The following LZTR1 variants were observed in gnomAD, a reference collection of about 807,000 sequenced individuals.
LZTR1 encodes the protein leucine-zipper-like transcriptional regulator 1.
Under a neutral mutation model 105.7 loss-of-function variants are expected in LZTR1, and 260 were observed. That is an observed-to-expected ratio of 2.46 (90% CI 2.22 to 2.72). The LOEUF is 2.72. Ranked by LOEUF, LZTR1 falls within the 30% of genes most tolerant of loss-of-function variation. LZTR1 has a pLI of 0.00. For missense variants in LZTR1, 1,214 were observed against 1,166.9 expected, an observed-to-expected ratio of 1.04 and a Z score of -0.59; for synonymous variants, 490 against 476.4, an observed-to-expected ratio of 1.03 and a Z score of -0.37.
chr22:20,994,960 G>A lies in LZTR1; in HGVS notation c.1876G>A (p.Val626Met). The A allele has an allele frequency of 6.2e-7, 1 of 1,613,300 alleles. No individual in the cohort carries two copies. The highest frequency in any genetic ancestry group is 8.5e-7 in the Non-Finnish European group (1 of 1,179,992). Residue 626 changes from valine (V) to methionine (M), a missense_variant, in exon 16 of 21, where the codon GTG becomes ATG. Transcript: ENST00000646124. ...EFERLSSPLI[V>M]EIVRRKQQPP... ...CGAGCGCCTCTCCTCTCCACTGATA[G>A]TGGAGATTGTGCGGCGGAAGCAGCA... is the stretch of plus-strand genomic sequence containing the variant.
At position 20,993,112 on chromosome 22, in the gene LZTR1, G is replaced by A. The variant is rs75405655; in HGVS notation, c.1260+208G>A. On this transcript the variant is annotated intron_variant, in intron 11 of 20. Coordinates refer to ENST00000646124, the MANE Select transcript of LZTR1 (RefSeq NM_006767.4). ...CCTTCGTGCAGTGGGGCAGGCAGAT[G>A]GTGCTGGGGCTCACGGCAGAGTCAG... 9.3e-3 allele frequency among the ~76,000 whole-genome samples: 1,421 copies of A among 152,348 alleles called. 22 individuals are homozygous for A. The highest frequency in any genetic ancestry group is 0.033 in the African/African-American group (1,363 of 41,582).
rs779359776 is a variant in LZTR1, at chr22:20,987,991, T to C, written c.401-19T>C. On this transcript the variant is annotated intron_variant, in intron 4 of 20. Coordinates refer to ENST00000646124, the MANE Select transcript of LZTR1 (RefSeq NM_006767.4). ...AGACTGCCCTTTGGGTTTGACAGTTTCTCACTCTCTTTACTCAGGGGGTTA... is the reference window on the plus strand; with the variant it reads ...AGACTGCCCTTTGGGTTTGACAGTTCCTCACTCTCTTTACTCAGGGGGTTA... 3.4e-6 allele frequency: 5 copies of C among 1,449,648 alleles called. No individual in the cohort carries two copies. Among genetic ancestry groups the C allele is most frequent in the Non-Finnish European group, 4.8e-6 (5 of 1,035,044 alleles). 89.8% of individuals were successfully genotyped at this position (1,449,648 alleles called of 1,614,324 possible). A position where few individuals can be genotyped will look rare whatever the true frequency, so the allele number is the denominator to read the frequency against.
chr22:20,991,950 G>A (rs1360574477), intron 9 of LZTR1, 121 bp downstream of exon 9: 3 of 979,988 alleles, frequency 3.1e-6, no homozygotes, highest in Non-Finnish European at 4.4e-6. Flanking sequence ...CCAGGAGCAA[G>A]GCCAGGACAC....
Position 20,987,536 on chromosome 22 carries a change from G to T in LZTR1, c.353G>T (p.Arg118Leu). ...AFTTGTPPAPRYHHSAVVYGS... is the reference protein window; with the variant it reads ...AFTTGTPPAPLYHHSAVVYGS... ...ACCACTGGGACCCCACCGGCCCCCC[G>T]TTACCACCACTCGGCCGTCGTCTAT... is the stretch of plus-strand genomic sequence containing the variant. The change falls in exon 4 of 21, where the codon CGT (arginine) becomes CTT (leucine). Residue 118 changes from arginine to leucine, a missense_variant. Arg to Leu is a moderately radical substitution (Grantham distance 102). Coordinates refer to ENST00000646124, the MANE Select transcript of LZTR1 (RefSeq NM_006767.4). The T allele has an allele frequency of 1.2e-6, 2 of 1,614,016 alleles. No homozygotes were observed. Among genetic ancestry groups the T allele is most frequent in the Non-Finnish European group, 1.7e-6 (2 of 1,179,990 alleles).
rs144092577 is a variant in LZTR1 at position 20,996,083 on chromosome 22, C to T, written c.2190C>T (p.Gly730=). ...CCATGCTGCGCTACATCTACTACGG[C>T]GAGGTCAACATGCCGCCCGAGGACT... ...FESMLRYIYY[G]EVNMPPEDSL... Residue 730 remains glycine, a synonymous_variant, in exon 18 of 21, where the codon GGC becomes GGT. Transcript: ENST00000646124. The T allele has an allele frequency of 2.8e-4, 459 of 1,612,978 alleles. No homozygotes were observed. Among genetic ancestry groups the T allele is most frequent in the Non-Finnish European group, 3.3e-4 (386 of 1,180,014 alleles).
At chr22:20,995,491 GA>G in intron 16 of LZTR1, 1 of 674,276 alleles carries the variant, frequency 1.5e-6, no homozygotes, top group South Asian at 1.5e-5. Context: ...TGAGGTCAGC[GA>G]GGGGGTACAG....
At position 20,994,733 on chromosome 22, in the gene LZTR1, G is replaced by A; in HGVS notation, c.1785+6G>A. The A allele has an allele frequency of 6.2e-7, 1 of 1,611,172 alleles. No homozygotes were observed. On this transcript the variant is annotated splice_donor_region_variant and intron_variant, in intron 15 of 20. Coordinates refer to ENST00000646124, the MANE Select transcript of LZTR1 (RefSeq NM_006767.4). The stretch of plus-strand genomic sequence containing the variant: ...TGCAGCTGAGCCAACTCAAGGTGTG[G>A]GGTGGGGTCAGCGCAATCAGGGTTG...
intron 11 of LZTR1, 141 bp from the exon 12 acceptor site, chr22:20,993,521 C>T: frequency 1.5e-6 from 1 of 652,212 alleles, no homozygotes; most frequent in South Asian, 1.8e-5. Context: ...CGGCTGCTTC[C>T]TCTCCTCAGC....
rs77165138 is a variant in LZTR1 at position 20,990,035 on chromosome 22, A to G, written c.652-351A>G. Among the ~76,000 whole-genome samples the G allele has an allele frequency of 2.0e-4, 31 of 152,286 alleles. No individual in the cohort carries two copies. The East Asian group carries it at 2.9e-3, about 14-fold the overall frequency. ...TTCAGTGCAGTGAGGGCCGTCTGCT[A>G]TCCAGTGTCCTGCTCCCTGGAGCTC... On this transcript the variant is annotated intron_variant, in intron 7 of 20. Coordinates refer to ENST00000646124, the MANE Select transcript of LZTR1 (RefSeq NM_006767.4).
At chr22:20,997,030 G>T in intron 20 of LZTR1, 64 bp downstream of exon 20, 2 of 1,559,664 alleles carry the variant, frequency 1.3e-6, no homozygotes, top group African/African-American at 2.7e-5. Context: ...CCCAGGCAGG[G>T]AGGGTGCCCA....
At chr22:20,991,015 C>T (rs753023451) in intron 8 of LZTR1, 12 of 163,176 alleles carry the variant, frequency 7.4e-5, no homozygotes, top group Non-Finnish European at 1.1e-4. Context: ...CTGGAGGCCA[C>T]GGGTGCGTGG....
chr22:20,982,636 C>G (rs1274060289), intron 1 of LZTR1, 65 bp downstream of exon 1: 5 of 1,525,320 alleles, frequency 3.3e-6, no homozygotes, highest in East Asian at 4.7e-5. Context: ...CAGGGCGGGT[C>G]CAGGGGCGAA....
Position 20,985,836 on chromosome 22 carries a change from T to C in LZTR1, c.264-5T>C. ...ATGCCACCCTCTCTTCCGGCTGCCT[T>C]TCAGGAAGACCATGCTCAATGACCT... On this transcript the variant is annotated splice_polypyrimidine_tract_variant and splice_region_variant and intron_variant, in intron 2 of 20. Transcript: ENST00000646124. 2 of 1,614,084 alleles carry C rather than the reference T, an allele frequency of 1.2e-6. No individual in the cohort carries two copies. Among genetic ancestry groups the C allele is most frequent in the Non-Finnish European group, 1.7e-6 (2 of 1,179,980 alleles).
At chr22:20,993,825 ACAG>A in intron 12 of LZTR1, 71 bp downstream of exon 12, 1 of 1,571,426 alleles carries the variant, frequency 6.4e-7, no homozygotes, top group African/African-American at 1.3e-5. Flanking sequence ...CCTCAGAAAA[ACAG>A]CTGCTGGCCT....
At position 20,996,709 on chromosome 22, in the gene LZTR1, G is replaced by GC; in HGVS notation, c.2238dup (p.Tyr747LeufsTer35). The stretch of plus-strand genomic sequence containing the variant: ...ACCAGGCCCCAGCTACTTGTTTGCG[G>GC]CCCCCTACTACTACGGCTTCTACAA... On this transcript the variant is annotated frameshift_variant, in exon 19 of 21. Coordinates refer to ENST00000646124, the MANE Select transcript of LZTR1 (RefSeq NM_006767.4). LOFTEE classifies it high-confidence loss of function. 6.2e-7 allele frequency: 1 copy of GC among 1,613,528 alleles called. No homozygotes were observed.
At chr22:20,991,958 C>T (rs925661722) in intron 9 of LZTR1, 129 bp downstream of exon 9, 4 of 921,240 alleles carry the variant, frequency 4.3e-6, no homozygotes, top group Non-Finnish European at 6.4e-6. Flanking sequence ...AAGGCCAGGA[C>T]ACCTGGGCCT....
intron 5 of LZTR1, among the ~76,000 whole-genome samples, chr22:20,988,557 A>G (rs1203257335): frequency 6.6e-6 from 1 of 152,170 alleles, no homozygotes; most frequent in African/African-American, 2.4e-5. Context: ...TTTTGGGGGC[A>G]CCTAGGAGAA....
intron 3 of LZTR1, chr22:20,986,983 G>A (rs1924409798): frequency 6.6e-6 from 1 of 152,396 alleles, no homozygotes; most frequent in Admixed American, 6.5e-5. Flanking sequence ...GGTGTTGCCA[G>A]AGGTTTTCTG....
chr22:20,986,987 T>G (rs1206114779), intron 3 of LZTR1: 1 of 152,024 alleles, frequency 6.6e-6, no homozygotes, highest in African/African-American at 2.4e-5. Flanking sequence ...TTGCCAGAGG[T>G]TTTCTGGTAA....
Sources: allele counts gnomAD v4.1 joint callset (sites outside exome capture counted in the v4.1 genomes callset), GRCh38; gene constraint gnomAD v4.1.1; transcripts MANE v1.5; gene names NCBI Gene and HGNC (gene_info 2026-07-23, HGNC 2026-07-21).